Variants in HNF4A observed in about 807,000 individuals in gnomAD.
The protein encoded by HNF4A is hepatocyte nuclear factor 4 alpha.
In HNF4A, 15 loss-of-function variants were observed where a neutral mutation model predicts 52.4. The ratio of observed to expected loss-of-function variants is 0.29; its 90% CI spans 0.19 to 0.44. HNF4A has a LOEUF of 0.44. Ranked by LOEUF, HNF4A falls within the 20% of genes least tolerant of loss-of-function variation. The probability of loss-of-function intolerance (pLI) is 1.00; values close to 1 mark genes in which losing one functional copy is unlikely to be tolerated. For synonymous variants in HNF4A, 280 were observed against 264.4 expected (o/e 1.06, Z -0.57); for missense variants, 479 against 647.2 (o/e 0.74, Z 2.82).
chr20:44,362,999 G>A (rs976547648), intron 1 of HNF4A, among the ~76,000 whole-genome samples: 2 of 151,438 alleles, frequency 1.3e-5, no homozygotes, highest in Non-Finnish European at 2.9e-5. Context: ...GGTTACAAGC[G>A]CCTGCCACCA....
chr20:44,407,792 T>TGTG, intron 3 of HNF4A, among the ~76,000 whole-genome samples: 2 of 151,534 alleles, frequency 1.3e-5, no homozygotes, highest in African/African-American at 2.4e-5. Context: ...TGTGTGTGTG[T>TGTG]TTAATATAAT....
At chr20:44,395,121 T>C (rs1010761999) in intron 1 of HNF4A, among the ~76,000 whole-genome samples, 2 of 152,166 alleles carry the variant, frequency 1.3e-5, no homozygotes, top group East Asian at 3.9e-4. Flanking sequence ...CCACTCATGG[T>C]CTGTGATGAA....
At chr20:44,410,266 G>A (rs1029321208) in intron 3 of HNF4A, among the ~76,000 whole-genome samples, 3 of 152,222 alleles carry the variant, frequency 2.0e-5, no homozygotes, top group Non-Finnish European at 4.4e-5. Context: ...CCAGGGAAAC[G>A]GACATGCTGC....
At chr20:44,417,541 T>G (rs943982095) in intron 5 of HNF4A, among the ~76,000 whole-genome samples, 3 of 152,128 alleles carry the variant, frequency 2.0e-5, no homozygotes, top group African/African-American at 7.2e-5. Context: ...GCAATGTCGA[T>G]CCCTGGAGGG....
Position 44,368,160 on chromosome 20 carries a change from A to ATTTTTTTTTTTTTTTTTT in HNF4A, c.49+12314_49+12331dup, listed in dbSNP as rs1181828023. Among the ~76,000 whole-genome samples the ATTTTTTTTTTTTTTTTTT allele has an allele frequency of 1.4e-4, 4 of 27,780 alleles. 1 individual carries two copies. In the East Asian group the frequency reaches 3.6e-3, roughly 25 times the overall value. The allele number at this position is 27,780 out of a possible 152,430, so 18.2% of individuals were successfully genotyped here. On this transcript the variant is annotated intron_variant, in intron 1 of 9. Transcript: ENST00000316673. ...TATATACATATATATATATATATAT[A>ATTTTTTTTTTTTTTTTTT]TTTTTTTTTTTTTTTTTTTTTTTTG...
chr20:44,390,376 GTC>G (rs767657365), intron 1 of HNF4A: 71 of 487,080 alleles, frequency 1.5e-4, no homozygotes, highest in Non-Finnish European at 2.4e-4. Context: ...AGACCACTGT[GTC>G]TCCCATTCCT....
intron 3 of HNF4A, among the ~76,000 whole-genome samples, chr20:44,412,327 T>C (rs184690497): frequency 3.9e-5 from 6 of 152,128 alleles, no homozygotes; most frequent in Non-Finnish European, 8.8e-5. Context: ...AGTCATGTTG[T>C]GTTAGACAGG....
intron 1 of HNF4A, among the ~76,000 whole-genome samples, chr20:44,387,288 T>TAAAAAAAAAAAAAAAA (rs537843651): frequency 1.2e-5 from 1 of 82,012 alleles, no homozygotes; most frequent in Non-Finnish European, 2.3e-5. Flanking sequence ...AACTTCATCT[T>TAAAAAAAAAAAAAAAA]AAAAAAAAAA....
At chr20:44,404,455 G>C (rs6130609) in intron 1 of HNF4A, among the ~76,000 whole-genome samples, 36,941 of 151,920 alleles carry the variant, frequency 0.24, 5,205 homozygotes, top group East Asian at 0.6. Context: ...TTGGATTCAG[G>C]ATTTCTATGA....
rs946919583 is a variant in HNF4A at position 44,430,993 on chromosome 20, GT to G, written c.*1334del. On this transcript the variant is annotated 3_prime_UTR_variant, in exon 10 of 10. Transcript: ENST00000316099. ...CCCTATTAACCTAGAGATTGTTTTT[GT>G]TTTTTATTCTCCTCCTCCCTCCCCG... 1 of 152,040 alleles carries G rather than the reference GT, an allele frequency of 6.6e-6. No individual in the cohort carries two copies. The highest frequency in any genetic ancestry group is 2.4e-5 in the African/African-American group (1 of 41,374). 9.4% of individuals were successfully genotyped at this position (152,040 alleles called of 1,614,324 possible). A position where few individuals can be genotyped will look rare whatever the true frequency, so the allele number is the denominator to read the frequency against.
intron 7 of HNF4A, among the ~76,000 whole-genome samples, chr20:44,422,782 C>T (rs1180956530): frequency 2.0e-5 from 3 of 151,588 alleles, no homozygotes; most frequent in Admixed American, 1.3e-4. Flanking sequence ...CAGTTTCAAG[C>T]GATTCTCCCA....
chr20:44,381,343 C>T (rs1201244042), intron 1 of HNF4A, among the ~76,000 whole-genome samples: 3 of 149,408 alleles, frequency 2.0e-5, no homozygotes, highest in African/African-American at 2.5e-5. Context: ...TGCAGTGGCA[C>T]GATCTCTGCT....
intron 5 of HNF4A, among the ~76,000 whole-genome samples, chr20:44,415,338 C>A (rs954021750): frequency 5.9e-5 from 9 of 152,156 alleles, no homozygotes; most frequent in Non-Finnish European, 1.2e-4. Context: ...TTGAACTCAG[C>A]ATCGTGTTTC....
In HNF4A at chr20:44,401,455, T is replaced by A; in HGVS notation, c.83T>A (p.Phe28Tyr). ...GACCCAGCCTACACCACCCTGGAAT[T>A]TGAGAATGTGCAGGTGTTGACGATG... Residue 28 changes from phenylalanine (F) to tyrosine (Y), a missense_variant, in exon 1 of 10, where the codon TTT (phenylalanine) becomes TAT (tyrosine). Around this residue, in one of 3 missense-constraint regions of HNF4A, gnomAD observed 90 missense variants for 105.5 expected, o/e 0.85. Transcript: ENST00000316099. The A allele has an allele frequency of 6.2e-7, 1 of 1,614,108 alleles. No homozygotes were observed. Among genetic ancestry groups the A allele is most frequent in the Non-Finnish European group, 8.5e-7 (1 of 1,180,006 alleles).
In HNF4A at chr20:44,408,619, C is replaced by T. The variant is rs566614197; in HGVS notation, c.385+1144C>T. On this transcript the variant is annotated intron_variant, in intron 3 of 9. Coordinates refer to ENST00000316099, the MANE Select transcript of HNF4A (RefSeq NM_000457.6). ...GTGCATGCCTGTAGTCCTAGCTACT[C>T]GGAAGGCTGAGGCAGGAGAATTGCT... is the stretch of plus-strand genomic sequence containing the variant. Among the ~76,000 whole-genome samples the T allele has an allele frequency of 3.9e-5, 6 of 152,130 alleles. No individual in the cohort carries two copies. In the South Asian group the frequency reaches 6.2e-4, roughly 16 times the overall value.
upstream of HNF4A, among the ~76,000 whole-genome samples, chr20:44,396,436 A>G (rs145394111): frequency 8.8e-3 from 1,339 of 152,162 alleles, 22 homozygotes; most frequent in African/African-American, 0.031. Flanking sequence ...ATGCCTCCCC[A>G]ACTGCAGGTT....
At chr20:44,403,309 C>T (rs2063436721) in intron 1 of HNF4A, among the ~76,000 whole-genome samples, 2 of 152,212 alleles carry the variant, frequency 1.3e-5, no homozygotes, top group Non-Finnish European at 2.9e-5. Flanking sequence ...TGTGGCAAGG[C>T]AATTTCCTCT....
chr20:44,429,363 T>G (rs1013763921), intron 9 of HNF4A, among the ~76,000 whole-genome samples, 160 bp from the exon 10 acceptor site: 8 of 152,094 alleles, frequency 5.3e-5, no homozygotes, highest in Non-Finnish European at 8.8e-5. Flanking sequence ...ATAAAAGACC[T>G]TAGGGATTAT....
intron 7 of HNF4A, among the ~76,000 whole-genome samples, chr20:44,420,804 C>G (rs749598634): frequency 6.6e-6 from 1 of 152,074 alleles, no homozygotes; most frequent in Non-Finnish European, 1.5e-5. Flanking sequence ...GGTGACAAAG[C>G]AAGACCTCAT....
Sources: gnomAD v4.1 joint callset for allele counts (sites outside exome capture counted in the v4.1 genomes callset) on GRCh38, gnomAD v4.1.1 for gene constraint, gnomAD v4.1.1 regional missense constraint, MANE v1.5 for transcripts, NCBI Gene and HGNC (gene_info 2026-07-23, HGNC 2026-07-21) for gene names.